The following PCDHGA5 variants were observed in gnomAD, a reference collection of about 807,000 sequenced individuals.
PCDHGA5 encodes the protein protocadherin gamma subfamily A, 5.
PCDHGA5 carries 36 observed loss-of-function variants against 56.7 expected under a neutral mutation model. That is an observed-to-expected ratio of 0.64 (90% CI 0.49 to 0.84). The LOEUF (loss-of-function observed/expected upper bound fraction) is 0.84, where lower values mean the gene tolerates loss of function less well. PCDHGA5 is among the 40% of genes least tolerant of loss of function. PCDHGA5 has a pLI of 0.00. For missense variants in PCDHGA5, 1,305 were observed against 1,201.5 expected (o/e 1.09, Z -1.27); for synonymous variants, 563 against 520.2 (o/e 1.08, Z -1.12).
At chr5:141,480,653 T>C (rs1214823403) in intron 1 of PCDHGA5, among the ~76,000 whole-genome samples, 2 of 152,190 alleles carry the variant, frequency 1.3e-5, no homozygotes, top group Admixed American at 1.3e-4. Context: ...TGGTTGCACA[T>C]TAAAATCACC....
intron 1 of PCDHGA5, among the ~76,000 whole-genome samples, chr5:141,405,840 A>G (rs1005736499): frequency 6.6e-6 from 1 of 152,188 alleles, no homozygotes; most frequent in African/African-American, 2.4e-5. Flanking sequence ...GTATAAGTTG[A>G]TATCAGTGTG....
Position 141,450,631 on chromosome 5 carries a change from T to C in PCDHGA5, c.2422-44176T>C, listed in dbSNP as rs554043866. 6.1e-5 allele frequency among the ~76,000 whole-genome samples: 9 copies of C among 148,320 alleles called. No homozygotes were observed. In the East Asian group the frequency reaches 1.9e-3, roughly 31 times the overall value. Reference sequence around the variant, plus strand: ...CCTCCTGAGTAGCTGGGATTACAGATGCCTGCCACCATGCCTGGCTAATTT... The same window carrying C: ...CCTCCTGAGTAGCTGGGATTACAGACGCCTGCCACCATGCCTGGCTAATTT... On this transcript the variant is annotated intron_variant, in intron 1 of 3. Transcript: ENST00000518069.
intron 1 of PCDHGA5, chr5:141,384,678 G>A (rs770501792): frequency 5.0e-6 from 8 of 1,614,194 alleles, no homozygotes; most frequent in Middle Eastern, 3.3e-4. Flanking sequence ...AGGTGGTGGC[G>A]GTGGACAAAG....
At chr5:141,443,759 A>G (rs1055796439) in intron 1 of PCDHGA5, among the ~76,000 whole-genome samples, 2 of 152,228 alleles carry the variant, frequency 1.3e-5, no homozygotes, top group African/African-American at 2.4e-5. Flanking sequence ...GAAGCTTACA[A>G]TATACAATAT....
rs776211508 is a variant in PCDHGA5, at chr5:141,491,001, C to T, written c.2422-3806C>T. On this transcript the variant is annotated intron_variant, in intron 1 of 3. Transcript: ENST00000518069. The surrounding 1 kb of genome is among the most constrained non-coding windows in gnomAD (Gnocchi z 6.9). The stretch of plus-strand genomic sequence containing the variant: ...TCCCTCGCTCTGCTCCTCCTGGCTC[C>T]TTGGTCACCAAGGTGACAGCCGTGG... The T allele has an allele frequency of 6.2e-7, 1 of 1,614,140 alleles. No individual in the cohort carries two copies. Among genetic ancestry groups the T allele is most frequent in the Non-Finnish European group, 8.5e-7 (1 of 1,180,044 alleles).
chr5:141,399,945 G>T, intron 1 of PCDHGA5: 2 of 1,612,308 alleles, frequency 1.2e-6, no homozygotes, highest in Non-Finnish European at 1.7e-6. Context: ...ACGTGCTGCA[G>T]GCTAGCGAGC....
chr5:141,377,025 A>T (rs1378221523), intron 1 of PCDHGA5: 1 of 154,760 alleles, frequency 6.5e-6, no homozygotes, highest in Non-Finnish European at 1.4e-5. Context: ...AAAATTCAAG[A>T]TTGTCTTTGA....
intron 1 of PCDHGA5, chr5:141,399,203 G>A: frequency 6.2e-7 from 1 of 1,613,940 alleles, no homozygotes. Flanking sequence ...GCGGTGCCTG[G>A]AACACTAATT....
At position 141,383,504 on chromosome 5, in the gene PCDHGA5, G is replaced by C. The variant is rs373658496; in HGVS notation, c.2421+16753G>C. ...CTGGTGCTGGAGCGGGTGCTGGACC[G>C]GGAGGAAGAGCGGGTTCACCACCTG... On this transcript the variant is annotated intron_variant, in intron 1 of 3. Coordinates refer to ENST00000518069, the MANE Select transcript of PCDHGA5 (RefSeq NM_018918.3). The C allele has an allele frequency of 1.9e-5, 30 of 1,612,648 alleles. No individual in the cohort carries two copies. The East Asian group carries it at 3.6e-4, about 19-fold the overall frequency.
At chr5:141,417,050 C>T (rs1420453271) in intron 1 of PCDHGA5, 3 of 151,552 alleles carry the variant, frequency 2.0e-5, no homozygotes, top group Non-Finnish European at 4.4e-5. Flanking sequence ...AAAAAAACTG[C>T]TCTTGACATT....
Position 141,491,300 on chromosome 5 carries a change from G to T in PCDHGA5, c.2422-3507G>T. On this transcript the variant is annotated intron_variant, in intron 1 of 3. Coordinates refer to ENST00000518069, the MANE Select transcript of PCDHGA5 (RefSeq NM_018918.3). The surrounding 1 kb of genome is among the most constrained non-coding windows in gnomAD (Gnocchi z 6.9). Reference sequence around the variant, plus strand: ...GACTTCCTCATACACCCTCCTGAGCGTTCAGACCTTACCCTTTACCTCATT... The same window carrying T: ...GACTTCCTCATACACCCTCCTGAGCTTTCAGACCTTACCCTTTACCTCATT... The T allele has an allele frequency of 6.2e-7, 1 of 1,614,136 alleles. No homozygotes were observed. The highest frequency in any genetic ancestry group is 8.5e-7 in the Non-Finnish European group (1 of 1,179,962).
intron 1 of PCDHGA5, among the ~76,000 whole-genome samples, chr5:141,420,686 C>T (rs781004859): frequency 1.3e-4 from 20 of 152,258 alleles, no homozygotes; most frequent in Admixed American, 4.6e-4. Context: ...TTATCGGGAC[C>T]GTATTATTTC....
At position 141,485,260 on chromosome 5, in the gene PCDHGA5, G is replaced by A. The variant is rs773919574; in HGVS notation, c.2422-9547G>A. On this transcript the variant is annotated intron_variant, in intron 1 of 3. Transcript: ENST00000518069. This position sits in a 1 kb window ranked among gnomAD's most constrained non-coding sequence, Gnocchi z 5.7. ...TTTACCACCTGGGTTACGTTTGTGG[G>A]CAGATCCGCTACCCGGTCCCAGAGG... The A allele has an allele frequency of 8.7e-6, 14 of 1,614,002 alleles. No individual in the cohort carries two copies. In the African/African-American group the frequency reaches 1.5e-4, roughly 17 times the overall value.
Position 141,432,029 on chromosome 5 carries a change from G to A in PCDHGA5, c.2422-62778G>A. 6.2e-7 allele frequency: 1 copy of A among 1,614,178 alleles called. No individual in the cohort carries two copies. Among genetic ancestry groups the A allele is most frequent in the South Asian group, 1.1e-5 (1 of 91,086 alleles). ...TCCTAGCTACAACATCACAGTGACC[G>A]CCACTGACCGGGGAACCCCGCCCCT... On this transcript the variant is annotated intron_variant, in intron 1 of 3. Coordinates refer to ENST00000518069, the MANE Select transcript of PCDHGA5 (RefSeq NM_018918.3). This position sits in a 1 kb window ranked among gnomAD's most constrained non-coding sequence, Gnocchi z 6.0.
Position 141,430,614 on chromosome 5 carries a change from T to C in PCDHGA5, c.2421+63863T>C, listed in dbSNP as rs1030314096. 7.3e-6 allele frequency: 5 copies of C among 680,636 alleles called. No individual in the cohort carries two copies. In the African/African-American group the frequency reaches 7.4e-5, roughly 10 times the overall value. 42.2% of individuals were successfully genotyped at this position (680,636 alleles called of 1,614,324 possible). ...GCACGCGCCTGAAGCACAAAGCAGA[T>C]AGCTAGGAATGAACCATCCCTGGGA... On this transcript the variant is annotated intron_variant, in intron 1 of 3. Transcript: ENST00000518069.
Position 141,485,432 on chromosome 5 carries a change from A to C in PCDHGA5, c.2422-9375A>C. The C allele has an allele frequency of 6.2e-7, 1 of 1,614,178 alleles. No individual in the cohort carries two copies. Among genetic ancestry groups the C allele is most frequent in the Non-Finnish European group, 8.5e-7 (1 of 1,180,028 alleles). ...TTTGGACAGCGGAGCCCTGCTCATC[A>C]AGAACCCAATCGACCGAGAGGCACT... On this transcript the variant is annotated intron_variant, in intron 1 of 3. Transcript: ENST00000518069. The surrounding 1 kb of genome is among the most constrained non-coding windows in gnomAD (Gnocchi z 5.7).
intron 1 of PCDHGA5, chr5:141,374,742 C>A (rs1382250910): frequency 1.2e-6 from 2 of 1,611,728 alleles, no homozygotes; most frequent in African/African-American, 1.3e-5. Flanking sequence ...GGCGGCGACC[C>A]TGTCCGCTCA....
In PCDHGA5 at chr5:141,410,786, TTCA is replaced by T. The variant is rs1001093749; in HGVS notation, c.2421+44037_2421+44039del. ...ATTATAGTTTTCACTATGTATTTGG[TTCA>T]TAAGTTGCTCTATCTTTTTGTAAAA... On this transcript the variant is annotated intron_variant, in intron 1 of 3. Transcript: ENST00000518069. 39 of 852,378 alleles carry T rather than the reference TTCA, an allele frequency of 4.6e-5. No homozygotes were observed. In the African/African-American group the frequency reaches 6.2e-4, roughly 13 times the overall value. 52.8% of individuals were successfully genotyped at this position (852,378 alleles called of 1,614,324 possible). A position where few individuals can be genotyped will look rare whatever the true frequency, so the allele number is the denominator to read the frequency against.
intron 1 of PCDHGA5, among the ~76,000 whole-genome samples, chr5:141,433,641 G>A (rs1177387884): frequency 6.6e-6 from 1 of 152,104 alleles, no homozygotes; most frequent in Non-Finnish European, 1.5e-5. Flanking sequence ...TTTGAGACCA[G>A]CCTGACCAAC....
Sources: gnomAD v4.1 joint callset for allele counts (sites outside exome capture counted in the v4.1 genomes callset) on GRCh38, gnomAD v4.1.1 for gene constraint, Gnocchi (gnomAD v3.1) non-coding constraint, MANE v1.5 for transcripts, NCBI Gene and HGNC (gene_info 2026-07-23, HGNC 2026-07-21) for gene names.